Variants in NUP93 observed in about 807,000 individuals in gnomAD.
NUP93 encodes the protein nuclear pore complex protein Nup93.
In NUP93, 55 loss-of-function variants were observed where a neutral mutation model predicts 107.8. The ratio of observed to expected loss-of-function variants is 0.51; its 90% CI spans 0.41 to 0.64. The LOEUF is 0.64. Ranked by LOEUF, NUP93 falls within the 30% of genes least tolerant of loss-of-function variation. The pLI, the probability that NUP93 is intolerant of heterozygous loss-of-function variation, is 0.00. For missense variants in NUP93, 937 were observed against 1,044.7 expected (o/e 0.90, Z 1.42); for synonymous variants, 390 against 397.5 (o/e 0.98, Z 0.22).
chr16:56,841,702 T>C lies in NUP93; in HGVS notation c.2221-3T>C. 1.2e-6 allele frequency: 2 copies of C among 1,614,040 alleles called. No homozygotes were observed. Among genetic ancestry groups the C allele is most frequent in the Non-Finnish European group, 1.7e-6 (2 of 1,179,946 alleles). ...TCTTTACTCTGTTTTTCTCTCTATG[T>C]AGATCAGGCACAACCTCTCAGAAGT... On this transcript the variant is annotated splice_polypyrimidine_tract_variant and splice_region_variant and intron_variant, in intron 20 of 21. Coordinates refer to ENST00000308159, the MANE Select transcript of NUP93 (RefSeq NM_014669.5).
intron 16 of NUP93, among the ~76,000 whole-genome samples, chr16:56,835,988 G>C (rs985691630): frequency 6.6e-6 from 1 of 152,038 alleles, no homozygotes; most frequent in Non-Finnish European, 1.5e-5. Context: ...AATTAGCCAG[G>C]CGTGGTGGTG....
At chr16:56,795,452 G>C (rs1279335082) in intron 3 of NUP93, among the ~76,000 whole-genome samples, 1 of 152,000 alleles carries the variant, frequency 6.6e-6, no homozygotes, top group Non-Finnish European at 1.5e-5. Context: ...GTGACAAGCT[G>C]CCCCCTTCTG....
rs111794190 is a variant in NUP93 at position 56,798,741 on chromosome 16, C to T, written c.360+203C>T. 9.4e-3 allele frequency among the ~76,000 whole-genome samples: 1,430 copies of T among 152,090 alleles called. 29 individuals are homozygous for T. Among genetic ancestry groups the T allele is most frequent in the African/African-American group, 0.033 (1,353 of 41,460 alleles). On this transcript the variant is annotated intron_variant, in intron 4 of 21. Coordinates refer to ENST00000308159, the MANE Select transcript of NUP93 (RefSeq NM_014669.5). ...AAAATTAGCTAAGCATGGTGGCACACGTCTGTGGTCCCAGCTACTCCGGTG... is the reference window on the plus strand; with the variant it reads ...AAAATTAGCTAAGCATGGTGGCACATGTCTGTGGTCCCAGCTACTCCGGTG...
intron 1 of NUP93, among the ~76,000 whole-genome samples, chr16:56,730,902 C>T (rs1471069444): frequency 6.6e-6 from 1 of 152,226 alleles, no homozygotes; most frequent in Admixed American, 6.5e-5. Flanking sequence ...ATTTGCCCTT[C>T]TGCCAGACGT....
intron 1 of NUP93, among the ~76,000 whole-genome samples, chr16:56,737,787 G>C (rs1174847376): frequency 2.0e-5 from 3 of 152,176 alleles, no homozygotes; most frequent in African/African-American, 7.2e-5. Context: ...TTCTGTAAAT[G>C]CAATGGTTTT....
At chr16:56,740,461 A>G (rs1196204047) in intron 1 of NUP93, among the ~76,000 whole-genome samples, 2 of 150,268 alleles carry the variant, frequency 1.3e-5, no homozygotes, top group African/African-American at 4.9e-5. Context: ...CACTTCCTAG[A>G]TGTGATGGCG....
intron 3 of NUP93, among the ~76,000 whole-genome samples, chr16:56,793,754 A>G (rs961599505): frequency 2.6e-5 from 4 of 152,168 alleles, no homozygotes; most frequent in Non-Finnish European, 5.9e-5. Flanking sequence ...ACTCACTGCC[A>G]CTAGATGGCA....
intron 1 of NUP93, among the ~76,000 whole-genome samples, chr16:56,739,513 G>A (rs1961672197): frequency 2.6e-5 from 3 of 116,182 alleles, no homozygotes; most frequent in East Asian, 3.3e-4. Context: ...GCGGCTGGCC[G>A]GGCGGGGGGG....
chr16:56,767,883 G>A (rs1036282504), intron 3 of NUP93, among the ~76,000 whole-genome samples: 1 of 152,116 alleles, frequency 6.6e-6, no homozygotes, highest in African/African-American at 2.4e-5. Flanking sequence ...TATAGTGGTG[G>A]GTGTTGTTCA....
intron 1 of NUP93, among the ~76,000 whole-genome samples, chr16:56,741,087 T>G (rs1331394044): frequency 6.6e-6 from 1 of 152,176 alleles, no homozygotes; most frequent in African/African-American, 2.4e-5. Flanking sequence ...GGATTTATAA[T>G]AAAAAGCATA....
At chr16:56,817,417 G>C (rs1963456006) in intron 5 of NUP93, among the ~76,000 whole-genome samples, 1 of 152,128 alleles carries the variant, frequency 6.6e-6, no homozygotes, top group African/African-American at 2.4e-5. Context: ...AAGCTTGGCT[G>C]TTATCTTCCC....
intron 3 of NUP93, among the ~76,000 whole-genome samples, chr16:56,771,568 C>T (rs1246090277): frequency 6.6e-6 from 1 of 152,186 alleles, no homozygotes; most frequent in Non-Finnish European, 1.5e-5. Flanking sequence ...TATGGGATGA[C>T]ATTTCCATTT....
intron 20 of NUP93, among the ~76,000 whole-genome samples, chr16:56,841,345 C>T (rs1218768646): frequency 2.2e-5 from 3 of 138,986 alleles, no homozygotes; most frequent in Non-Finnish European, 4.7e-5. Flanking sequence ...AGCGTGTGCA[C>T]CTGTACCTCC....
Position 56,821,561 on chromosome 16 carries a change from C to T in NUP93, c.622C>T (p.Leu208Phe). The T allele has an allele frequency of 6.2e-7, 1 of 1,613,204 alleles. No homozygotes were observed. Among genetic ancestry groups the T allele is most frequent in the Non-Finnish European group, 8.5e-7 (1 of 1,179,364 alleles). The change falls in exon 7 of 22, where the codon CTT becomes TTT. Residue 208 changes from leucine to phenylalanine, a missense_variant. Physicochemically the swap from Leu to Phe is conservative, Grantham distance 22. Coordinates refer to ENST00000308159, the MANE Select transcript of NUP93 (RefSeq NM_014669.5). ...NGHLQPNLVD[L>F]CASVAELDDK... The stretch of plus-strand genomic sequence containing the variant: ...ACACCTGCAGCCTAACCTGGTGGAC[C>T]TTTGTGCTTCCGTCGCAGAGCTCGA...
rs1341105489 is a variant in NUP93, at chr16:56,808,492, A to G, written c.489+2860A>G. Among the ~76,000 whole-genome samples the G allele has an allele frequency of 2.5e-5, 3 of 122,034 alleles. No homozygotes were observed. In the Admixed American group the frequency reaches 2.7e-4, roughly 11 times the overall value. 80.1% of individuals were successfully genotyped at this position (122,034 alleles called of 152,430 possible). On this transcript the variant is annotated intron_variant, in intron 5 of 21. Transcript: ENST00000308159. ...GTAACTATAAAATATATAGTTATGT[A>G]ACTATATAAATATATAGTTATGTAA...
chr16:56,803,802 C>G (rs558717215), intron 4 of NUP93, among the ~76,000 whole-genome samples: 1 of 152,072 alleles, frequency 6.6e-6, no homozygotes, highest in East Asian at 1.9e-4. Flanking sequence ...GACAGTCTTG[C>G]TCTGTTGCCC....
chr16:56,754,925 T>G (rs2144472941), intron 2 of NUP93, among the ~76,000 whole-genome samples: 1 of 152,348 alleles, frequency 6.6e-6, no homozygotes, highest in East Asian at 1.9e-4. Flanking sequence ...TTTTAATCTT[T>G]TTCTATAATA....
At chr16:56,838,794 GC>G (rs1373990863) in intron 18 of NUP93, among the ~76,000 whole-genome samples, 157 bp from the exon 19 acceptor site, 1 of 151,796 alleles carries the variant, frequency 6.6e-6, no homozygotes, top group African/African-American at 2.4e-5. Flanking sequence ...CTGACTCCTG[GC>G]CTCAAGCAAT....
chr16:56,778,285 C>G (rs148151577), intron 3 of NUP93, among the ~76,000 whole-genome samples: 1 of 152,242 alleles, frequency 6.6e-6, no homozygotes, highest in African/African-American at 2.4e-5. Flanking sequence ...TGACCAAAGT[C>G]AGGGAGGTAA....
Sources: gnomAD v4.1 joint callset for allele counts (sites outside exome capture counted in the v4.1 genomes callset) on GRCh38, gnomAD v4.1.1 for gene constraint, MANE v1.5 for transcripts, NCBI Gene and HGNC (gene_info 2026-07-23, HGNC 2026-07-21) for gene names.